PARD3B: variants seen among roughly 807,000 people sequenced by gnomAD.
The protein encoded by PARD3B is partitioning defective 3 homolog B.
Under a neutral mutation model 130.2 loss-of-function variants are expected in PARD3B, and 103 were observed. The observed-to-expected ratio is 0.79, with a 90% CI of 0.67 to 0.93. PARD3B has a LOEUF of 0.93. Among genes scored for constraint, PARD3B ranks in the 40% least tolerant of loss-of-function variants. PARD3B has a pLI of 0.00. For synonymous variants in PARD3B, 583 were observed against 553.2 expected, an observed-to-expected ratio of 1.05 and a Z score of -0.76; for missense variants, 1,609 against 1,499.2, an observed-to-expected ratio of 1.07 and a Z score of -1.21.
chr2:204,840,114 A>G (rs1028755051), intron 2 of PARD3B, among the ~76,000 whole-genome samples: 38 of 152,314 alleles, frequency 2.5e-4, no homozygotes, highest in African/African-American at 9.1e-4. Flanking sequence ...TAATATTATT[A>G]AGGTAGTTAA....
intron 20 of PARD3B, among the ~76,000 whole-genome samples, chr2:205,467,206 A>G (rs1432865987): frequency 6.6e-6 from 1 of 152,224 alleles, no homozygotes; most frequent in Non-Finnish European, 1.5e-5. Context: ...TGTCACCACA[A>G]GAGCCATTTG....
intron 1 of PARD3B, among the ~76,000 whole-genome samples, chr2:204,589,919 C>A (rs980433188): frequency 6.6e-6 from 1 of 152,180 alleles, no homozygotes; most frequent in Non-Finnish European, 1.5e-5. Context: ...TGGGGACTTG[C>A]TTCTGGAGAA....
At chr2:205,275,215 C>A (rs1258112762) in intron 16 of PARD3B, among the ~76,000 whole-genome samples, 1 of 151,764 alleles carries the variant, frequency 6.6e-6, no homozygotes, top group Non-Finnish European at 1.5e-5. Context: ...AAAAGTCTCT[C>A]GAGTTTCACA....
chr2:204,726,519 A>T (rs1361356247), intron 2 of PARD3B, among the ~76,000 whole-genome samples: 1 of 152,034 alleles, frequency 6.6e-6, no homozygotes, highest in African/African-American at 2.4e-5. Context: ...TGATTCTGAA[A>T]CCTCAAAGCC....
rs547288681 is a variant in PARD3B at position 205,170,480 on chromosome 2, C to T, written c.1621-1731C>T. On this transcript the variant is annotated intron_variant, in intron 11 of 22. Coordinates refer to ENST00000406610, the MANE Select transcript of PARD3B (RefSeq NM_001302769.2). ...ACGCCTTTGTCTATTGATCCCATTACCCTGCCATCTCCATTTCTTCCCCGA... is the reference window on the plus strand; with the variant it reads ...ACGCCTTTGTCTATTGATCCCATTATCCTGCCATCTCCATTTCTTCCCCGA... Among the ~76,000 whole-genome samples, 11 of 152,296 alleles carry T rather than the reference C, an allele frequency of 7.2e-5. No individual in the cohort carries two copies. In the South Asian group the frequency reaches 2.3e-3, roughly 32 times the overall value.
At chr2:205,469,998 T>C (rs2048769570) in intron 20 of PARD3B, among the ~76,000 whole-genome samples, 1 of 152,212 alleles carries the variant, frequency 6.6e-6, no homozygotes, top group Non-Finnish European at 1.5e-5. Flanking sequence ...TCATGCATTT[T>C]CTTTCTTCCT....
rs891968496 is a variant in PARD3B, at chr2:204,780,472, G to A, written c.222+94190G>A. ...AATAATTTATACATAATAGAAGTGTGTTCTAAATAATTTATAAACAACAGA... is the reference window on the plus strand; with the variant it reads ...AATAATTTATACATAATAGAAGTGTATTCTAAATAATTTATAAACAACAGA... On this transcript the variant is annotated intron_variant, in intron 2 of 22. Coordinates refer to ENST00000406610, the MANE Select transcript of PARD3B (RefSeq NM_001302769.2). Among the ~76,000 whole-genome samples the A allele has an allele frequency of 4.9e-4, 74 of 152,154 alleles. 5 individuals carry two copies. Among genetic ancestry groups the A allele is most frequent in the Admixed American group, 6.6e-5 (1 of 15,256 alleles).
chr2:204,892,797 G>A (rs960193139), intron 2 of PARD3B, among the ~76,000 whole-genome samples: 14 of 152,170 alleles, frequency 9.2e-5, no homozygotes, highest in Non-Finnish European at 1.6e-4. Context: ...ACTACAAGAA[G>A]GGAGTCCTTT....
chr2:205,033,372 C>T (rs968698880), intron 3 of PARD3B, among the ~76,000 whole-genome samples: 1 of 152,046 alleles, frequency 6.6e-6, no homozygotes, highest in African/African-American at 2.4e-5. Flanking sequence ...TTCCTCAATA[C>T]TTGAAAAAAA....
intron 2 of PARD3B, among the ~76,000 whole-genome samples, chr2:204,819,789 G>A (rs1467303330): frequency 6.6e-6 from 1 of 152,174 alleles, no homozygotes; most frequent in Non-Finnish European, 1.5e-5. Flanking sequence ...AGGTTGAGTA[G>A]TCTAGATAGA....
intron 20 of PARD3B, among the ~76,000 whole-genome samples, chr2:205,479,281 T>C (rs2049136273): frequency 6.6e-6 from 1 of 152,188 alleles, no homozygotes; most frequent in South Asian, 2.1e-4. Flanking sequence ...TTCTCCTTCA[T>C]TGCACACTTT....
At chr2:205,340,137 T>C (rs1227846397) in intron 18 of PARD3B, among the ~76,000 whole-genome samples, 1 of 152,132 alleles carries the variant, frequency 6.6e-6, no homozygotes, top group Non-Finnish European at 1.5e-5. Context: ...AAGGTAACAA[T>C]AGGAGTTGCA....
rs2043999894 is a variant in PARD3B, at chr2:205,351,711, C to G, written c.2631-49302C>G. On this transcript the variant is annotated intron_variant, in intron 18 of 22. Transcript: ENST00000406610. This position sits in a 1 kb window ranked among gnomAD's most constrained non-coding sequence, Gnocchi z 4.2. ...TCTGATTCTCTATATGATTTTAACTCTAGAATTGCTAAAGGTAGCTCTGTG... is the reference window on the plus strand; with the variant it reads ...TCTGATTCTCTATATGATTTTAACTGTAGAATTGCTAAAGGTAGCTCTGTG... 6.6e-6 allele frequency among the ~76,000 whole-genome samples: 1 copy of G among 151,998 alleles called. No individual in the cohort carries two copies.
At chr2:205,028,166 G>A (rs1254747907) in intron 3 of PARD3B, among the ~76,000 whole-genome samples, 1 of 152,020 alleles carries the variant, frequency 6.6e-6, no homozygotes, top group Non-Finnish European at 1.5e-5. Flanking sequence ...GGGTAGTATG[G>A]ACATTTTAAC....
Position 205,407,612 on chromosome 2 carries a change from A to C in PARD3B, c.2741+6489A>C, listed in dbSNP as rs1463198207. On this transcript the variant is annotated intron_variant, in intron 19 of 22. Coordinates refer to ENST00000406610, the MANE Select transcript of PARD3B (RefSeq NM_001302769.2). This position sits in a 1 kb window ranked among gnomAD's most constrained non-coding sequence, Gnocchi z 4.1. The stretch of plus-strand genomic sequence containing the variant: ...GGACCTGTAAAATACCAAACTAAAT[A>C]CCTGTATTCTTAATACCATCTCAAA... Among the ~76,000 whole-genome samples, 2 of 152,150 alleles carry C rather than the reference A, an allele frequency of 1.3e-5. No homozygotes were observed. Among genetic ancestry groups the C allele is most frequent in the East Asian group, 3.9e-4 (2 of 5,188 alleles).
intron 10 of PARD3B, among the ~76,000 whole-genome samples, chr2:205,156,591 C>T (rs1003712772): frequency 2.0e-5 from 3 of 151,784 alleles, no homozygotes; most frequent in East Asian, 3.9e-4. Context: ...TGCTTGAGCC[C>T]CACAAAGCTT....
intron 18 of PARD3B, among the ~76,000 whole-genome samples, chr2:205,326,991 C>G (rs1388635831): frequency 6.6e-6 from 1 of 152,170 alleles, no homozygotes; most frequent in African/African-American, 2.4e-5. Flanking sequence ...ACTTCTGACA[C>G]CAAATAGTTC....
intron 18 of PARD3B, among the ~76,000 whole-genome samples, chr2:205,370,021 C>T (rs73062548): frequency 0.019 from 2,923 of 152,246 alleles, 77 homozygotes; most frequent in African/African-American, 0.064. Context: ...TGCTGGACTG[C>T]TCCCAAGAAC....
At chr2:205,579,221 G>A (rs552496585) in intron 22 of PARD3B, among the ~76,000 whole-genome samples, 4 of 152,164 alleles carry the variant, frequency 2.6e-5, no homozygotes, top group Non-Finnish European at 4.4e-5. Context: ...ATGGTCGGGG[G>A]TGGAGGTGAG....
Sources: gnomAD v4.1 joint callset for allele counts (sites outside exome capture counted in the v4.1 genomes callset) on GRCh38, gnomAD v4.1.1 for gene constraint, Gnocchi (gnomAD v3.1) non-coding constraint, MANE v1.5 for transcripts, NCBI Gene and HGNC (gene_info 2026-07-23, HGNC 2026-07-21) for gene names.